Variants in MTF2 observed in about 807,000 individuals in gnomAD.
MTF2 encodes metal response element binding transcription factor 2.
Under a neutral mutation model 79.5 loss-of-function variants are expected in MTF2, and 11 were observed. The observed-to-expected ratio is 0.14, with a 90% CI of 0.09 to 0.23. The LOEUF (loss-of-function observed/expected upper bound fraction) is 0.23. Ranked by LOEUF, MTF2 falls within the 10% of genes least tolerant of loss-of-function variation. The probability of loss-of-function intolerance (pLI) is 1.00; values close to 1 mark genes in which losing one functional copy is unlikely to be tolerated. For missense variants in MTF2, 486 were observed against 711.2 expected, an observed-to-expected ratio of 0.68 and a Z score of 3.60; for synonymous variants, 208 against 232.8, an observed-to-expected ratio of 0.89 and a Z score of 0.97.
At chr1:93,108,946 A>C (rs922321232) in intron 1 of MTF2, among the ~76,000 whole-genome samples, 3 of 152,174 alleles carry the variant, frequency 2.0e-5, no homozygotes, top group African/African-American at 7.2e-5. Context: ...TTCACTTAGC[A>C]TAATGTCTTC....
At chr1:93,089,297 G>A (rs1042685531) in intron 1 of MTF2, among the ~76,000 whole-genome samples, 2 of 152,158 alleles carry the variant, frequency 1.3e-5, no homozygotes, top group African/African-American at 4.8e-5. Context: ...AATAGAATAT[G>A]TGCTTTTATA....
intron 11 of MTF2, among the ~76,000 whole-genome samples, chr1:93,129,664 A>G (rs1485388152): frequency 1.3e-5 from 2 of 151,844 alleles, no homozygotes; most frequent in African/African-American, 4.8e-5. Flanking sequence ...CCTTCCAGAA[A>G]TAGACTCTAT....
intron 3 of MTF2, 154 bp downstream of exon 3, chr1:93,110,780 T>C: frequency 1.5e-6 from 1 of 661,668 alleles, no homozygotes; most frequent in Admixed American, 2.9e-5. Flanking sequence ...GTCGTTATTA[T>C]AGACCATAAG....
chr1:93,104,677 C>CAAA lies in MTF2; in HGVS notation c.6-5537_6-5535dup, dbSNP rs35746040. Among the ~76,000 whole-genome samples, 698 of 96,350 alleles carry CAAA rather than the reference C, an allele frequency of 7.2e-3. 14 individuals carry two copies. The highest frequency in any genetic ancestry group is 0.03 in the African/African-American group (667 of 21,976). 63.2% of individuals were successfully genotyped at this position (96,350 alleles called of 152,430 possible). A position where few individuals can be genotyped will look rare whatever the true frequency, so the allele number is the denominator to read the frequency against. On this transcript the variant is annotated intron_variant, in intron 1 of 14. Coordinates refer to ENST00000370298, the MANE Select transcript of MTF2 (RefSeq NM_007358.4). Reference sequence around the variant, plus strand: ...CTGGTGACAGAGCAAGACTCCATCTCAAAAAAAAAAAAAAAAAAGTAGATA... The same window carrying CAAA: ...CTGGTGACAGAGCAAGACTCCATCTCAAAAAAAAAAAAAAAAAAAAAGTAGATA...
chr1:93,122,368 G>A (rs1656518601), intron 9 of MTF2, among the ~76,000 whole-genome samples: 1 of 152,082 alleles, frequency 6.6e-6, no homozygotes, highest in Non-Finnish European at 1.5e-5. Flanking sequence ...AACTCAAGTT[G>A]TGTTTATTTC....
chr1:93,134,269 A>G, intron 14 of MTF2, 74 bp downstream of exon 14: 1 of 1,145,180 alleles, frequency 8.7e-7, no homozygotes, highest in Non-Finnish European at 1.3e-6. Context: ...TGTTGATTGA[A>G]TAATTTTTTA....
In MTF2 at chr1:93,137,883, CCT is replaced by C. The variant is rs1647464333; in HGVS notation, c.*857_*858del. 6.6e-6 allele frequency: 1 copy of C among 152,122 alleles called. No homozygotes were observed. The highest frequency in any genetic ancestry group is 1.5e-5 in the Non-Finnish European group (1 of 68,000). The allele number at this position is 152,122 out of a possible 1,614,324, so 9.4% of individuals were successfully genotyped here. A position where few individuals can be genotyped will look rare whatever the true frequency, so the allele number is the denominator to read the frequency against. ...TTTTAGAATGCTTTTCACTTTTAGTCCTTGTAACTCAGCTGTTCAGTACCTAA... is the reference window on the plus strand; with the variant it reads ...TTTTAGAATGCTTTTCACTTTTAGTCTGTAACTCAGCTGTTCAGTACCTAA... On this transcript the variant is annotated 3_prime_UTR_variant, in exon 15 of 15. Transcript: ENST00000370298.
intron 7 of MTF2, among the ~76,000 whole-genome samples, 159 bp from the exon 8 acceptor site, chr1:93,119,174 C>G (rs528158588): frequency 6.6e-6 from 1 of 152,280 alleles, no homozygotes; most frequent in African/African-American, 2.4e-5. Context: ...AAAGAACTTC[C>G]TTCAATCACA....
At chr1:93,085,904 A>G (rs72715305) in intron 1 of MTF2, among the ~76,000 whole-genome samples, 10 of 152,326 alleles carry the variant, frequency 6.6e-5, no homozygotes, top group Non-Finnish European at 1.5e-4. Context: ...CCAAGGGACA[A>G]CTAAATAGCA....
chr1:93,101,253 A>G (rs146672419), intron 1 of MTF2, among the ~76,000 whole-genome samples: 24 of 152,134 alleles, frequency 1.6e-4, no homozygotes, highest in South Asian at 4.1e-4. Context: ...TGTCCAGGCA[A>G]TCTCTTTCAA....
chr1:93,079,725 G>A (rs867890590), intron 1 of MTF2, among the ~76,000 whole-genome samples, 194 bp downstream of exon 1: 32 of 152,126 alleles, frequency 2.1e-4, no homozygotes, highest in African/African-American at 7.7e-4. Flanking sequence ...TTGAGTGTTG[G>A]GAGAAAATAG....
At position 93,138,388 on chromosome 1, in the gene MTF2, G is replaced by T. The variant is rs1299753710; in HGVS notation, c.*1361G>T. ...GGTGGATTTTAGACTAATTATGGGG[G>T]AATTTGCCACCAAAATAAAAAATAT... On this transcript the variant is annotated 3_prime_UTR_variant, in exon 15 of 15. Coordinates refer to ENST00000370298, the MANE Select transcript of MTF2 (RefSeq NM_007358.4). 1 of 151,984 alleles carries T rather than the reference G, an allele frequency of 6.6e-6. No individual in the cohort carries two copies. The highest frequency in any genetic ancestry group is 2.4e-5 in the African/African-American group (1 of 41,368). 9.4% of individuals were successfully genotyped at this position (151,984 alleles called of 1,614,324 possible).
intron 11 of MTF2, among the ~76,000 whole-genome samples, chr1:93,130,491 C>T (rs965092050): frequency 1.4e-4 from 21 of 152,096 alleles, no homozygotes; most frequent in East Asian, 7.7e-4. Context: ...GCAGGAGAAT[C>T]GCTTGAATCC....
intron 3 of MTF2, 74 bp from the exon 4 acceptor site, chr1:93,114,614 C>T (rs965358268): frequency 4.2e-5 from 46 of 1,083,266 alleles, no homozygotes; most frequent in Non-Finnish European, 5.4e-5. Context: ...GTGCTGCTCA[C>T]TGAGTCATAA....
chr1:93,116,331 T>A (rs1356492968), intron 6 of MTF2, among the ~76,000 whole-genome samples: 1 of 152,272 alleles, frequency 6.6e-6, no homozygotes, highest in African/African-American at 2.4e-5. Flanking sequence ...AGTAGCATTT[T>A]TATTTTCTTC....
Position 93,091,435 on chromosome 1 carries a change from ATCC to A in MTF2, c.5+11908_5+11910del, listed in dbSNP as rs1479955735. Among the ~76,000 whole-genome samples the A allele has an allele frequency of 1.8e-4, 27 of 152,240 alleles. 1 individual carries two copies. Among genetic ancestry groups the A allele is most frequent in the African/African-American group, 6.3e-4 (26 of 41,540 alleles). On this transcript the variant is annotated intron_variant, in intron 1 of 14. Coordinates refer to ENST00000370298, the MANE Select transcript of MTF2 (RefSeq NM_007358.4). Reference sequence around the variant, plus strand: ...GTTTTCTAACTTCTGGCCTCAAGCAATCCTCCCACTTCAGCCTCCCAAAGTGCT... The same window carrying A: ...GTTTTCTAACTTCTGGCCTCAAGCAATCCCACTTCAGCCTCCCAAAGTGCT...
chr1:93,092,064 C>A (rs902419295), intron 1 of MTF2, among the ~76,000 whole-genome samples: 14 of 152,038 alleles, frequency 9.2e-5, no homozygotes, highest in African/African-American at 3.1e-4. Context: ...CTTAGATGAG[C>A]CTTTGGTTGT....
In MTF2 at chr1:93,138,956, G is replaced by A. The variant is rs561931172; in HGVS notation, c.*1929G>A. 10 of 152,244 alleles carry A rather than the reference G, an allele frequency of 6.6e-5. No homozygotes were observed. The highest frequency in any genetic ancestry group is 4.1e-4 in the South Asian group (2 of 4,826). 9.4% of individuals were successfully genotyped at this position (152,244 alleles called of 1,614,324 possible). On this transcript the variant is annotated 3_prime_UTR_variant, in exon 15 of 15. Coordinates refer to ENST00000370298, the MANE Select transcript of MTF2 (RefSeq NM_007358.4). ...AACTGTCTTTAGACGTAATTATTGT[G>A]AATGTCTGTTTTATTTTCTCATGGT...
At chr1:93,088,842 G>A (rs1654958635) in intron 1 of MTF2, among the ~76,000 whole-genome samples, 4 of 151,998 alleles carry the variant, frequency 2.6e-5, no homozygotes, top group East Asian at 1.9e-4. Context: ...GGAGTGCTGG[G>A]ATTACAGGCA....
Sources: gnomAD v4.1 joint callset for allele counts (sites outside exome capture counted in the v4.1 genomes callset) on GRCh38, gnomAD v4.1.1 for gene constraint, MANE v1.5 for transcripts, NCBI Gene and HGNC (gene_info 2026-07-23, HGNC 2026-07-21) for gene names.